The following AGBL4 variants were observed in gnomAD, a reference collection of about 807,000 sequenced individuals.
AGBL4 encodes the protein cytosolic carboxypeptidase 6.
Under a neutral mutation model 66.4 loss-of-function variants are expected in AGBL4, and 58 were observed. The observed-to-expected ratio is 0.87, with a 90% CI of 0.71 to 1.09. The LOEUF is 1.09. Ranked by LOEUF, AGBL4 falls within the 50% of genes least tolerant of loss-of-function variation. The pLI is 0.00. For synonymous variants in AGBL4, 234 were observed against 222.9 expected (o/e 1.05, Z -0.44); for missense variants, 579 against 631.0 (o/e 0.92, Z 0.88).
At chr1:48,818,807 G>C (rs4926762) in intron 6 of AGBL4, among the ~76,000 whole-genome samples, 1 of 151,882 alleles carries the variant, frequency 6.6e-6, no homozygotes, top group African/African-American at 2.4e-5. Context: ...TATAGCAACG[G>C]TGATAGTTTT....
intron 5 of AGBL4, among the ~76,000 whole-genome samples, chr1:49,004,371 T>C (rs1661619404): frequency 6.6e-6 from 1 of 152,150 alleles, no homozygotes. Flanking sequence ...ATAGGCATAT[T>C]AAAGGGATAA....
chr1:48,913,756 G>A (rs1388864066), intron 5 of AGBL4, among the ~76,000 whole-genome samples: 1 of 152,190 alleles, frequency 6.6e-6, no homozygotes, highest in Non-Finnish European at 1.5e-5. Flanking sequence ...AAAATGTAAT[G>A]TGCTTGAAAC....
At chr1:48,944,077 A>G (rs185899056) in intron 5 of AGBL4, among the ~76,000 whole-genome samples, 18 of 152,270 alleles carry the variant, frequency 1.2e-4, no homozygotes, top group Admixed American at 2.0e-4. Context: ...GACGAGACAA[A>G]AGTGAATAAG....
chr1:48,531,334 C>T (rs1643905491), downstream of AGBL4, among the ~76,000 whole-genome samples: 1 of 152,132 alleles, frequency 6.6e-6, no homozygotes, highest in East Asian at 1.9e-4. Flanking sequence ...CATTTGCTGA[C>T]ATCCAGAAAT....
chr1:49,893,563 C>T (rs938754207), intron 1 of AGBL4, among the ~76,000 whole-genome samples: 1 of 152,084 alleles, frequency 6.6e-6, no homozygotes, highest in African/African-American at 2.4e-5. Context: ...GGGCCTTAAG[C>T]GAACATTGAC....
At chr1:49,572,257 G>A (rs973905864) in intron 3 of AGBL4, among the ~76,000 whole-genome samples, 1 of 152,000 alleles carries the variant, frequency 6.6e-6, no homozygotes, top group African/African-American at 2.4e-5. Context: ...ACTCATTTTT[G>A]GTCAGTTCTA....
chr1:49,844,736 G>A (rs1283063023), intron 2 of AGBL4: 64 of 1,602,582 alleles, frequency 4.0e-5, no homozygotes, highest in Middle Eastern at 1.7e-4. Flanking sequence ...CTAAAGCAAC[G>A]TATCTCTGAA....
At chr1:49,565,442 T>C (rs915210154) in intron 3 of AGBL4, among the ~76,000 whole-genome samples, 13 of 152,296 alleles carry the variant, frequency 8.5e-5, no homozygotes, top group Non-Finnish European at 1.8e-4. Flanking sequence ...TGGCTGGTAC[T>C]GGTTGTTCCC....
rs1427799013 is a variant in AGBL4 at position 49,948,580 on chromosome 1, T to TAGAGAGAG, written c.34+75182_34+75183insCTCTCTCT. Among the ~76,000 whole-genome samples the TAGAGAGAG allele has an allele frequency of 3.2e-5, 4 of 126,870 alleles. No individual in the cohort carries two copies. The South Asian group carries it at 9.3e-4, about 29-fold the overall frequency. The allele number at this position is 126,870 out of a possible 152,430, so 83.2% of individuals were successfully genotyped here. A position where few individuals can be genotyped will look rare whatever the true frequency, so the allele number is the denominator to read the frequency against. On this transcript the variant is annotated intron_variant, in intron 1 of 13. Coordinates refer to ENST00000371839, the MANE Select transcript of AGBL4 (RefSeq NM_032785.4). Reference sequence around the variant, plus strand: ...ATATATAAAAATATATATATATATATATAGAGAGAGAGAGAGAGAGAGAGA... The same window carrying TAGAGAGAG: ...ATATATAAAAATATATATATATATATAGAGAGAGATAGAGAGAGAGAGAGAGAGAGAGA...
chr1:50,009,560 T>C (rs1300359153), intron 1 of AGBL4, among the ~76,000 whole-genome samples: 2 of 151,808 alleles, frequency 1.3e-5, no homozygotes, highest in East Asian at 1.9e-4. Context: ...GGTAGTATCA[T>C]GCTGAATAGG....
intron 3 of AGBL4, among the ~76,000 whole-genome samples, chr1:49,548,712 A>T (rs1440753701): frequency 4.6e-5 from 7 of 152,112 alleles, no homozygotes; most frequent in Non-Finnish European, 1.0e-4. Context: ...ATCTATGTTC[A>T]TCAAGGATAT....
chr1:48,581,295 G>T (rs1434046001), intron 11 of AGBL4, among the ~76,000 whole-genome samples: 2 of 152,132 alleles, frequency 1.3e-5, no homozygotes. Context: ...CCAATTAACT[G>T]AATTTGATAT....
At chr1:49,678,422 G>A (rs1054258941) in intron 3 of AGBL4, among the ~76,000 whole-genome samples, 1 of 152,128 alleles carries the variant, frequency 6.6e-6, no homozygotes, top group South Asian at 2.1e-4. Context: ...ACTTTTGCTA[G>A]ATTGATTTTC....
chr1:48,984,709 G>A (rs983923264), intron 5 of AGBL4, among the ~76,000 whole-genome samples: 1 of 151,696 alleles, frequency 6.6e-6, no homozygotes, highest in Non-Finnish European at 1.5e-5. Flanking sequence ...GAGACATGCA[G>A]AAACAATTCT....
At chr1:49,302,584 T>A (rs75125976) in intron 3 of AGBL4, among the ~76,000 whole-genome samples, 1 of 148,192 alleles carries the variant, frequency 6.7e-6, no homozygotes, top group African/African-American at 2.4e-5. Flanking sequence ...TTTTTATTTA[T>A]TTTATTTTAT....
rs1649026473 is a variant in AGBL4, at chr1:48,736,222, TC to T, written c.635-72982del. 6.2e-7 allele frequency: 1 copy of T among 1,607,100 alleles called. No homozygotes were observed. Among genetic ancestry groups the T allele is most frequent in the East Asian group, 2.2e-5 (1 of 44,850 alleles). On this transcript the variant is annotated intron_variant, in intron 6 of 13. Coordinates refer to ENST00000371839, the MANE Select transcript of AGBL4 (RefSeq NM_032785.4). This position sits in a 1 kb window ranked among gnomAD's most constrained non-coding sequence, Gnocchi z 4.0. ...AAGACAGAATCCCAGCCATTGTGTT[TC>T]CACTCAGTGACCTACCTCTGACGAT...
intron 5 of AGBL4, among the ~76,000 whole-genome samples, chr1:48,924,846 A>C (rs1487075690): frequency 6.6e-6 from 1 of 152,136 alleles, no homozygotes. Flanking sequence ...TGCTATTATC[A>C]GAAGAGGAGG....
chr1:49,720,803 T>C (rs1167353100), intron 2 of AGBL4, among the ~76,000 whole-genome samples: 1 of 152,160 alleles, frequency 6.6e-6, no homozygotes, highest in Admixed American at 6.6e-5. Flanking sequence ...AAAAGTGTTA[T>C]AGGGACATAA....
At chr1:48,589,590 T>C (rs1644880783) in intron 10 of AGBL4, among the ~76,000 whole-genome samples, 1 of 152,216 alleles carries the variant, frequency 6.6e-6, no homozygotes, top group South Asian at 2.1e-4. Flanking sequence ...TTGCTTTTGC[T>C]ATGAGTTTTT....
Sources: gnomAD v4.1 joint callset for allele counts (sites outside exome capture counted in the v4.1 genomes callset) on GRCh38, gnomAD v4.1.1 for gene constraint, Gnocchi (gnomAD v3.1) non-coding constraint, MANE v1.5 for transcripts, NCBI Gene and HGNC (gene_info 2026-07-23, HGNC 2026-07-21) for gene names.